The following PTPRM variants were observed in gnomAD, a reference collection of about 807,000 sequenced individuals.
PTPRM encodes receptor-type tyrosine-protein phosphatase mu.
Under a neutral mutation model 186.7 loss-of-function variants are expected in PTPRM, and 47 were observed. The ratio of observed to expected loss-of-function variants is 0.25; its 90% CI spans 0.20 to 0.32. The LOEUF (loss-of-function observed/expected upper bound fraction) is 0.32. Ranked by LOEUF, PTPRM falls within the 10% of genes least tolerant of loss-of-function variation. The pLI is 1.00. For synonymous variants in PTPRM, 668 were observed against 674.9 expected, an observed-to-expected ratio of 0.99 and a Z score of 0.16; for missense variants, 1,494 against 1,865.0, an observed-to-expected ratio of 0.80 and a Z score of 3.66.
At chr18:8,063,764 A>T (rs1024785231) in intron 7 of PTPRM, among the ~76,000 whole-genome samples, 2 of 152,182 alleles carry the variant, frequency 1.3e-5, no homozygotes, top group African/African-American at 4.8e-5. Context: ...AAATTCTCAA[A>T]ATATTTATCC....
rs1417681486 is a variant in PTPRM at position 8,253,215 on chromosome 18, T to G, written c.2567-12T>G. ...GCTCTCCCTCATTTTCTCCCTGGCCTTCTTTTCCTAGATGAAACCCACACA... is the reference window on the plus strand; with the variant it reads ...GCTCTCCCTCATTTTCTCCCTGGCCGTCTTTTCCTAGATGAAACCCACACA... On this transcript the variant is annotated splice_polypyrimidine_tract_variant and intron_variant, in intron 18 of 32. Coordinates refer to ENST00000580170, the MANE Select transcript of PTPRM (RefSeq NM_001105244.2). 1 of 1,413,096 alleles carries G rather than the reference T, an allele frequency of 7.1e-7. No homozygotes were observed. The allele number at this position is 1,413,096 out of a possible 1,614,324, so 87.5% of individuals were successfully genotyped here. A position where few individuals can be genotyped will look rare whatever the true frequency, so the allele number is the denominator to read the frequency against.
At chr18:8,113,967 G>A (rs2091861459) in intron 12 of PTPRM, among the ~76,000 whole-genome samples, 1 of 149,760 alleles carries the variant, frequency 6.7e-6, no homozygotes, top group African/African-American at 2.5e-5. Context: ...TTGATTGGGG[G>A]AGTTTATCAT....
intron 14 of PTPRM, among the ~76,000 whole-genome samples, chr18:8,221,865 A>G (rs1182472646): frequency 6.6e-6 from 1 of 152,228 alleles, no homozygotes; most frequent in East Asian, 1.9e-4. Context: ...TGTGCCAATC[A>G]CCAAGTCTTG....
chr18:7,914,795 G>A (rs1352619119), intron 4 of PTPRM, among the ~76,000 whole-genome samples: 1 of 152,130 alleles, frequency 6.6e-6, no homozygotes, highest in Non-Finnish European at 1.5e-5. Flanking sequence ...AGAGTAAGCA[G>A]TACCAGGCTG....
intron 22 of PTPRM, among the ~76,000 whole-genome samples, chr18:8,342,772 A>G (rs1352588605): frequency 6.6e-6 from 1 of 152,138 alleles, no homozygotes; most frequent in African/African-American, 2.4e-5. Flanking sequence ...CTTTTGTAAT[A>G]TATATTTTTC....
intron 1 of PTPRM, among the ~76,000 whole-genome samples, chr18:7,591,235 C>T (rs1336360145): frequency 6.6e-6 from 1 of 152,154 alleles, no homozygotes; most frequent in Non-Finnish European, 1.5e-5. Context: ...GCTGTCTTTT[C>T]CTCTGGAATT....
chr18:8,228,320 T>C (rs1204298214), intron 14 of PTPRM, among the ~76,000 whole-genome samples: 3 of 152,120 alleles, frequency 2.0e-5, no homozygotes, highest in Non-Finnish European at 4.4e-5. Flanking sequence ...TCACAAGTTT[T>C]TCCTTGGTGG....
At chr18:7,897,513 T>C (rs1300226024) in intron 3 of PTPRM, among the ~76,000 whole-genome samples, 2 of 152,124 alleles carry the variant, frequency 1.3e-5, no homozygotes, top group African/African-American at 4.8e-5. Context: ...AGACAATATG[T>C]CTCAAGAAGC....
At chr18:7,638,364 G>A (rs2038367487) in intron 1 of PTPRM, among the ~76,000 whole-genome samples, 1 of 152,032 alleles carries the variant, frequency 6.6e-6, no homozygotes, top group African/African-American at 2.4e-5. Flanking sequence ...TTTATTCTAG[G>A]GCTCAAGGTT....
chr18:8,252,595 G>A lies in PTPRM; in HGVS notation c.2566+96G>A, dbSNP rs145145207. The A allele has an allele frequency of 1.8e-3, 2,148 of 1,184,328 alleles. 22 individuals are homozygous for A. In the Admixed American group the frequency reaches 0.02, roughly 11 times the overall value. 73.4% of individuals were successfully genotyped at this position (1,184,328 alleles called of 1,614,324 possible). On this transcript the variant is annotated intron_variant, in intron 18 of 32. Coordinates refer to ENST00000580170, the MANE Select transcript of PTPRM (RefSeq NM_001105244.2). ...TGACAAAGCCAGCTGGTGCTGCTCT[G>A]TGCTGGCCTGCATGTTTGCCTTTGT...
intron 14 of PTPRM, among the ~76,000 whole-genome samples, chr18:8,149,933 C>T (rs140172035): frequency 0.019 from 2,927 of 152,156 alleles, 104 homozygotes; most frequent in African/African-American, 0.067. Context: ...TGTGAAATTC[C>T]GGGTTGAAAA....
At chr18:7,917,899 A>AT (rs2050653595) in intron 4 of PTPRM, among the ~76,000 whole-genome samples, 2 of 152,074 alleles carry the variant, frequency 1.3e-5, no homozygotes, top group Non-Finnish European at 2.9e-5. Context: ...GAGATCCACT[A>AT]TTTTAGCTCC....
At chr18:8,323,531 C>T (rs2095358396) in intron 22 of PTPRM, among the ~76,000 whole-genome samples, 1 of 152,138 alleles carries the variant, frequency 6.6e-6, no homozygotes, top group South Asian at 2.1e-4. Flanking sequence ...TTGAGATGCA[C>T]GCGTTACTTT....
At chr18:8,120,209 A>T (rs993231143) in intron 13 of PTPRM, among the ~76,000 whole-genome samples, 4 of 152,198 alleles carry the variant, frequency 2.6e-5, no homozygotes, top group African/African-American at 9.6e-5. Context: ...CCATTTGAAG[A>T]TAAAGTATAG....
At chr18:7,927,314 C>G (rs977825271) in intron 5 of PTPRM, among the ~76,000 whole-genome samples, 3 of 152,124 alleles carry the variant, frequency 2.0e-5, no homozygotes, top group Non-Finnish European at 4.4e-5. Context: ...CAGAATGCCA[C>G]CCACTTCTTT....
chr18:7,603,566 G>T (rs1179367049), intron 1 of PTPRM, among the ~76,000 whole-genome samples: 1 of 152,246 alleles, frequency 6.6e-6, no homozygotes, highest in Non-Finnish European at 1.5e-5. Context: ...CTGAGTGATG[G>T]ACTTCCCATT....
intron 2 of PTPRM, among the ~76,000 whole-genome samples, chr18:7,831,232 T>G (rs1477426310): frequency 6.6e-6 from 1 of 152,170 alleles, no homozygotes; most frequent in African/African-American, 2.4e-5. Flanking sequence ...TTATTTATAT[T>G]TTACTTTGAA....
intron 7 of PTPRM, among the ~76,000 whole-genome samples, chr18:8,039,015 C>G (rs185550225): frequency 6.6e-6 from 1 of 152,026 alleles, no homozygotes; most frequent in Non-Finnish European, 1.5e-5. Context: ...TAGAGAAAAC[C>G]TGATACATTT....
chr18:8,017,224 G>A (rs769710808), intron 7 of PTPRM, among the ~76,000 whole-genome samples: 13 of 152,008 alleles, frequency 8.6e-5, no homozygotes, highest in Non-Finnish European at 1.5e-4. Context: ...ATATAGGTAT[G>A]ACACTTTATA....
Sources: allele counts gnomAD v4.1 joint callset (sites outside exome capture counted in the v4.1 genomes callset), GRCh38; gene constraint gnomAD v4.1.1; transcripts MANE v1.5; gene names NCBI Gene and HGNC (gene_info 2026-07-23, HGNC 2026-07-21).